IGLON5: variants seen among roughly 807,000 people sequenced by gnomAD.
IGLON5 encodes the protein Ig-like domain-containing protein ENSP00000270642.
Under a neutral mutation model 38.2 loss-of-function variants are expected in IGLON5, and 16 were observed. The observed-to-expected ratio is 0.42, with a 90% CI of 0.28 to 0.64. The LOEUF (loss-of-function observed/expected upper bound fraction) is 0.64, where lower values mean the gene tolerates loss of function less well. Among genes scored for constraint, IGLON5 ranks in the 30% least tolerant of loss-of-function variants. IGLON5 has a pLI of 0.23. For synonymous variants in IGLON5, 207 were observed against 216.4 expected, an observed-to-expected ratio of 0.96 and a Z score of 0.38; for missense variants, 366 against 483.4, an observed-to-expected ratio of 0.76 and a Z score of 2.28.
chr19:51,313,313 T>G (rs1984815599), intron 1 of IGLON5, among the ~76,000 whole-genome samples: 1 of 152,198 alleles, frequency 6.6e-6, no homozygotes, highest in African/African-American at 2.4e-5. Context: ...CTGCCATTTC[T>G]GGAGGTTCCC....
chr19:51,327,613 G>A lies in IGLON5; in HGVS notation c.768-119G>A. On this transcript the variant is annotated intron_variant, in intron 6 of 7. Transcript: ENST00000270642. This position sits in a 1 kb window ranked among gnomAD's most constrained non-coding sequence, Gnocchi z 7.1. ...TACATGAGGTGCTAGAACCCGAGGC[G>A]ATGGGTCACTGGGGTAGGGGGCAGA... 1 of 1,400,586 alleles carries A rather than the reference G, an allele frequency of 7.1e-7. No individual in the cohort carries two copies. The highest frequency in any genetic ancestry group is 2.5e-4 in the Middle Eastern group (1 of 3,966). The allele number at this position is 1,400,586 out of a possible 1,614,324, so 86.8% of individuals were successfully genotyped here.
chr19:51,322,222 T>C, intron 2 of IGLON5, 80 bp downstream of exon 2: 1 of 1,150,308 alleles, frequency 8.7e-7, no homozygotes, highest in East Asian at 2.4e-5. Context: ...GTGGGGATCC[T>C]GGTTACAGGA....
intron 1 of IGLON5, 79 bp downstream of exon 1, chr19:51,312,005 G>T (rs1984777544): frequency 1.3e-6 from 1 of 758,530 alleles, no homozygotes; most frequent in African/African-American, 1.8e-5. Flanking sequence ...AGGGGTGGGG[G>T]TCGAGGGCTG....
In IGLON5 at chr19:51,328,519, A is replaced by AG. The variant is rs201743000; in HGVS notation, c.923-152_923-151insG. Among the ~76,000 whole-genome samples the AG allele has an allele frequency of 8.7e-3, 1,324 of 151,738 alleles. 68 individuals carry two copies. The highest frequency in any genetic ancestry group is 0.083 in the East Asian group (430 of 5,156). On this transcript the variant is annotated intron_variant, in intron 7 of 7. Transcript: ENST00000270642. ...TCTCAAAAAAAGAAAAAAAAAAAAA[A>AG]AAAGAAACAGAGTCAGAAAAGCAGG...
chr19:51,326,713 T>G, intron 4 of IGLON5, 51 bp from the exon 5 acceptor site: 1 of 1,316,742 alleles, frequency 7.6e-7, no homozygotes, highest in Non-Finnish European at 1.0e-6. Context: ...TGTTGTCCCG[T>G]GTTAAGTGTT....
At chr19:51,314,259 C>T (rs997890531) in intron 1 of IGLON5, among the ~76,000 whole-genome samples, 52 of 151,018 alleles carry the variant, frequency 3.4e-4, no homozygotes, top group Non-Finnish European at 6.9e-4. Context: ...TCTCAGCTCA[C>T]TGCAACCTCT....
At chr19:51,318,058 C>T (rs1165733930) in intron 1 of IGLON5, among the ~76,000 whole-genome samples, 4 of 152,220 alleles carry the variant, frequency 2.6e-5, no homozygotes, top group Non-Finnish European at 5.9e-5. Context: ...CATCACAAAG[C>T]TCCTCATCAC....
intron 2 of IGLON5, 132 bp from the exon 3 acceptor site, chr19:51,323,530 G>T: frequency 1.4e-6 from 1 of 719,424 alleles, no homozygotes. Flanking sequence ...GGTGGGCACA[G>T]CAGCATCCGC....
chr19:51,315,541 G>A (rs11668607), intron 1 of IGLON5, among the ~76,000 whole-genome samples: 59,547 of 151,886 alleles, frequency 0.39, 12,079 homozygotes, highest in South Asian at 0.53. Context: ...AAAACCTAAA[G>A]ACAAACAAAT....
At chr19:51,319,865 T>C (rs1985011057) in intron 1 of IGLON5, among the ~76,000 whole-genome samples, 1 of 151,948 alleles carries the variant, frequency 6.6e-6, no homozygotes, top group South Asian at 2.1e-4. Context: ...TGTGTTTGTA[T>C]GCGTGTGATT....
At position 51,328,867 on chromosome 19, in the gene IGLON5, C is replaced by A; in HGVS notation, c.*108C>A. 1.5e-6 allele frequency: 1 copy of A among 659,254 alleles called. No individual in the cohort carries two copies. The highest frequency in any genetic ancestry group is 2.5e-6 in the Non-Finnish European group (1 of 400,990). 40.8% of individuals were successfully genotyped at this position (659,254 alleles called of 1,614,324 possible). A position where few individuals can be genotyped will look rare whatever the true frequency, so the allele number is the denominator to read the frequency against. ...CTCGTGGGGGCAGAAGAGCTCTCGGCCACCAAGGAAGAAGAGAGAGGAGAA... is the reference window on the plus strand; with the variant it reads ...CTCGTGGGGGCAGAAGAGCTCTCGGACACCAAGGAAGAAGAGAGAGGAGAA... On this transcript the variant is annotated 3_prime_UTR_variant, in exon 8 of 8. Coordinates refer to ENST00000270642, the MANE Select transcript of IGLON5 (RefSeq NM_001101372.3).
At chr19:51,315,163 A>C (rs1006441021) in intron 1 of IGLON5, among the ~76,000 whole-genome samples, 6 of 151,978 alleles carry the variant, frequency 3.9e-5, no homozygotes, top group African/African-American at 1.2e-4. Context: ...CAAAGCAGCT[A>C]CATTGTGGTA....
chr19:51,321,039 G>A (rs553313950), intron 1 of IGLON5, among the ~76,000 whole-genome samples: 11 of 152,278 alleles, frequency 7.2e-5, no homozygotes, highest in African/African-American at 2.6e-4. Context: ...GTGTGTATGT[G>A]TGTATACATG....
intron 1 of IGLON5, among the ~76,000 whole-genome samples, chr19:51,316,095 C>T (rs1984915234): frequency 6.6e-6 from 1 of 151,150 alleles, no homozygotes; most frequent in East Asian, 2.0e-4. Context: ...CCTGTAATCC[C>T]AGCACTTCAG....
Position 51,323,865 on chromosome 19 carries a change from A to G in IGLON5, c.362A>G (p.Tyr121Cys). Reference protein sequence around the residue: ...TCSFQTRHQPYTTQVYLIVHV... With the variant: ...TCSFQTRHQPCTTQVYLIVHV... Reference sequence around the variant, plus strand: ...TCCTTCCAGACCCGCCACCAGCCGTACACCACTCAGGTCTACCTCATTGTC... The same window carrying G: ...TCCTTCCAGACCCGCCACCAGCCGTGCACCACTCAGGTCTACCTCATTGTC... The change falls in exon 3 of 8, where the codon TAC (tyrosine) becomes TGC (cysteine). Residue 121 changes from tyrosine to cysteine, a missense_variant. Physicochemically the swap from Tyr to Cys is radical, Grantham distance 194. Coordinates refer to ENST00000270642, the MANE Select transcript of IGLON5 (RefSeq NM_001101372.3). The G allele has an allele frequency of 6.2e-7, 1 of 1,613,174 alleles. No individual in the cohort carries two copies. Among genetic ancestry groups the G allele is most frequent in the Non-Finnish European group, 8.5e-7 (1 of 1,179,442 alleles).
In IGLON5 at chr19:51,327,527, A is replaced by G. The variant is rs1985247641; in HGVS notation, c.768-205A>G. Among the ~76,000 whole-genome samples, 1 of 151,872 alleles carries G rather than the reference A, an allele frequency of 6.6e-6. No homozygotes were observed. The highest frequency in any genetic ancestry group is 2.1e-4 in the South Asian group (1 of 4,806). ...AACGACTAGGGGTGCACTACGGGAG[A>G]GTCCAGAGTCCTGAGAGGCCAGGGT... On this transcript the variant is annotated intron_variant, in intron 6 of 7. Coordinates refer to ENST00000270642, the MANE Select transcript of IGLON5 (RefSeq NM_001101372.3). The surrounding 1 kb of genome is among the most constrained non-coding windows in gnomAD (Gnocchi z 7.1).
intron 1 of IGLON5, among the ~76,000 whole-genome samples, chr19:51,314,973 G>T (rs992408503): frequency 6.6e-6 from 1 of 152,092 alleles, no homozygotes; most frequent in Non-Finnish European, 1.5e-5. Flanking sequence ...TGATGGATTG[G>T]TTGGTTTGTT....
Position 51,315,688 on chromosome 19 carries a change from C to CTTTTTTTT in IGLON5, c.79+3780_79+3787dup, listed in dbSNP as rs756194855. On this transcript the variant is annotated intron_variant, in intron 1 of 7. Coordinates refer to ENST00000270642, the MANE Select transcript of IGLON5 (RefSeq NM_001101372.3). ...GACCTGAAGGAAGAGGGAAGTCAAC[C>CTTTTTTTT]TTTTTTTTTTTTTTTTTTTTTTTTT... Among the ~76,000 whole-genome samples the CTTTTTTTT allele has an allele frequency of 1.3e-3, 108 of 82,576 alleles. 4 individuals carry two copies. Among genetic ancestry groups the CTTTTTTTT allele is most frequent in the African/African-American group, 4.7e-3 (104 of 22,118 alleles). 54.2% of individuals were successfully genotyped at this position (82,576 alleles called of 152,430 possible).
At chr19:51,313,634 TCTC>T (rs1568456652) in intron 1 of IGLON5, among the ~76,000 whole-genome samples, 14 of 121,894 alleles carry the variant, frequency 1.1e-4, no homozygotes, top group East Asian at 1.0e-3. Context: ...TCTCTTTTTC[TCTC>T]TCTCTCTCTT....
Sources: gnomAD v4.1 joint callset for allele counts (sites outside exome capture counted in the v4.1 genomes callset) on GRCh38, gnomAD v4.1.1 for gene constraint, Gnocchi (gnomAD v3.1) non-coding constraint, MANE v1.5 for transcripts, NCBI Gene and HGNC (gene_info 2026-07-23, HGNC 2026-07-21) for gene names.